TPCN1: variants seen among roughly 807,000 people sequenced by gnomAD.
The protein encoded by TPCN1 is two pore segment channel 1, also known as two pore channel protein 1.
A neutral mutation model predicts 108.8 loss-of-function variants in TPCN1; 52 were observed. The observed-to-expected ratio is 0.48, with a 90% confidence interval of 0.38 to 0.60. The LOEUF is 0.60. TPCN1 is among the 20% of genes least tolerant of loss of function. TPCN1 has a pLI of 0.00. For missense variants in TPCN1, 806 were observed against 1,072.8 expected, an observed-to-expected ratio of 0.75 and a Z score of 3.47; for synonymous variants, 446 against 433.7, an observed-to-expected ratio of 1.03 and a Z score of -0.35.
In TPCN1 at chr12:113,226,708, T is replaced by G. The variant is rs2136429651; in HGVS notation, c.-125-20T>G. 1 of 1,499,866 alleles carries G rather than the reference T, an allele frequency of 6.7e-7. No homozygotes were observed. The highest frequency in any genetic ancestry group is 9.0e-7 in the Non-Finnish European group (1 of 1,115,278). 92.9% of individuals were successfully genotyped at this position (1,499,866 alleles called of 1,614,324 possible). A position where few individuals can be genotyped will look rare whatever the true frequency, so the allele number is the denominator to read the frequency against. On this transcript the variant is annotated intron_variant, in intron 1 of 27. Transcript: ENST00000335509. Reference sequence around the variant, plus strand: ...GTATTTTAATAATTATCTTTTATTTTTTTAATTCCCAAACCCTAGAAGATG... The same window carrying G: ...GTATTTTAATAATTATCTTTTATTTGTTTAATTCCCAAACCCTAGAAGATG...
At position 113,268,037 on chromosome 12, in the gene TPCN1, C is replaced by T; in HGVS notation, c.528+81C>T. The T allele has an allele frequency of 2.0e-6, 2 of 992,532 alleles. No homozygotes were observed. The highest frequency in any genetic ancestry group is 3.1e-6 in the Non-Finnish European group (2 of 642,030). The allele number at this position is 992,532 out of a possible 1,614,324, so 61.5% of individuals were successfully genotyped here. A position where few individuals can be genotyped will look rare whatever the true frequency, so the allele number is the denominator to read the frequency against. On this transcript the variant is annotated intron_variant, in intron 5 of 27. Coordinates refer to ENST00000335509, the MANE Select transcript of TPCN1 (RefSeq NM_017901.6). This position sits in a 1 kb window ranked among gnomAD's most constrained non-coding sequence, Gnocchi z 7.3. ...TCAAACCTGTCTCTTTGGTACAATT[C>T]AGAATCCACCATGGGCCCAGTCCAT...
At position 113,231,436 on chromosome 12, in the gene TPCN1, C is replaced by T. The variant is rs1447107029; in HGVS notation, c.112+4472C>T. Among the ~76,000 whole-genome samples, 1 of 152,196 alleles carries T rather than the reference C, an allele frequency of 6.6e-6. No individual in the cohort carries two copies. The highest frequency in any genetic ancestry group is 1.5e-5 in the Non-Finnish European group (1 of 68,040). On this transcript the variant is annotated intron_variant, in intron 2 of 27. Coordinates refer to ENST00000335509, the MANE Select transcript of TPCN1 (RefSeq NM_017901.6). The surrounding 1 kb of genome is among the most constrained non-coding windows in gnomAD (Gnocchi z 4.3). ...ACACCAGTCCTATTGGATTAGGGCT[C>T]ATCCATATGACCTTGTTTTACCTTA...
intron 14 of TPCN1, among the ~76,000 whole-genome samples, chr12:113,279,387 ATATATTTTTTTTTTT>A (rs1233168998): frequency 1.0e-4 from 2 of 19,650 alleles, no homozygotes; most frequent in African/African-American, 5.8e-4. Context: ...ATATATATAT[ATATATTTTTTTTTTT>A]TTTTTTTTTT....
chr12:113,291,159 G>A (rs1956253296), intron 23 of TPCN1, among the ~76,000 whole-genome samples, 161 bp downstream of exon 23: 1 of 152,072 alleles, frequency 6.6e-6, no homozygotes, highest in Non-Finnish European at 1.5e-5. Flanking sequence ...AGGATGGCTG[G>A]GCCCCAGGAG....
intron 10 of TPCN1, among the ~76,000 whole-genome samples, chr12:113,275,734 G>A (rs556349254): frequency 3.3e-5 from 5 of 151,816 alleles, no homozygotes; most frequent in East Asian, 1.9e-4. Context: ...CACCACGCCC[G>A]GCTAATTTTT....
chr12:113,260,281 G>A, intron 2 of TPCN1, 87 bp from the exon 3 acceptor site: 4 of 1,400,452 alleles, frequency 2.9e-6, no homozygotes, highest in Non-Finnish European at 3.7e-6. Context: ...GCATATGAAG[G>A]GACTGCCAGG....
intron 2 of TPCN1, among the ~76,000 whole-genome samples, chr12:113,237,801 G>A: frequency 6.6e-6 from 1 of 152,204 alleles, no homozygotes; most frequent in East Asian, 1.9e-4. Flanking sequence ...GGGCATGGAG[G>A]AAGCAGCTAG....
intron 25 of TPCN1, chr12:113,292,242 C>G (rs73192840): frequency 0.022 from 9,325 of 419,864 alleles, 168 homozygotes; most frequent in Non-Finnish European, 0.031. Flanking sequence ...CAGCCCCTGC[C>G]CTGCCTTTCC....
At chr12:113,251,398 T>G (rs1011458720) in intron 2 of TPCN1, among the ~76,000 whole-genome samples, 1 of 152,236 alleles carries the variant, frequency 6.6e-6, no homozygotes, top group Non-Finnish European at 1.5e-5. Context: ...AAGCCCTCTG[T>G]GCCGGTCCCT....
chr12:113,258,818 T>C (rs1163750850), intron 2 of TPCN1, among the ~76,000 whole-genome samples: 2 of 152,116 alleles, frequency 1.3e-5, no homozygotes, highest in Non-Finnish European at 2.9e-5. Context: ...AAGTTGCATG[T>C]GGCTGGACCT....
chr12:113,252,505 C>T (rs568191306), intron 2 of TPCN1, among the ~76,000 whole-genome samples: 5 of 152,288 alleles, frequency 3.3e-5, no homozygotes, highest in Admixed American at 2.6e-4. Flanking sequence ...TCACGGCAGC[C>T]GCTCACATAG....
chr12:113,255,671 G>A (rs1370188059), intron 2 of TPCN1, among the ~76,000 whole-genome samples: 10 of 151,980 alleles, frequency 6.6e-5, no homozygotes, highest in African/African-American at 1.4e-4. Context: ...GACTACAGGC[G>A]CATGCCACCA....
At chr12:113,252,040 G>A (rs1301288975) in intron 2 of TPCN1, among the ~76,000 whole-genome samples, 6 of 152,172 alleles carry the variant, frequency 3.9e-5, no homozygotes, top group East Asian at 1.9e-4. Context: ...AAAGAAGATC[G>A]GGTTAAGATT....
At chr12:113,254,847 C>G (rs1954774815) in intron 2 of TPCN1, among the ~76,000 whole-genome samples, 2 of 152,210 alleles carry the variant, frequency 1.3e-5, no homozygotes, top group Admixed American at 1.3e-4. Context: ...AAATGCAACA[C>G]CCATTCATGG....
chr12:113,293,257 G>A lies in TPCN1; in HGVS notation c.2254-12G>A, dbSNP rs1566208919. 1 of 1,614,042 alleles carries A rather than the reference G, an allele frequency of 6.2e-7. No homozygotes were observed. Among genetic ancestry groups the A allele is most frequent in the East Asian group, 2.2e-5 (1 of 44,886 alleles). Reference sequence around the variant, plus strand: ...TCTGCAGCCGAGCCCTGCAGCCTCTGCTCTTCCTTAGCAACATTCCATGGT... The same window carrying A: ...TCTGCAGCCGAGCCCTGCAGCCTCTACTCTTCCTTAGCAACATTCCATGGT... On this transcript the variant is annotated splice_polypyrimidine_tract_variant and intron_variant, in intron 26 of 27. Coordinates refer to ENST00000335509, the MANE Select transcript of TPCN1 (RefSeq NM_017901.6).
rs1955548240 is a variant in TPCN1, at chr12:113,272,789, G to A, written c.783+97G>A. 2.4e-6 allele frequency: 3 copies of A among 1,245,268 alleles called. No homozygotes were observed. Among genetic ancestry groups the A allele is most frequent in the African/African-American group, 1.5e-5 (1 of 67,096 alleles). The allele number at this position is 1,245,268 out of a possible 1,614,324, so 77.1% of individuals were successfully genotyped here. On this transcript the variant is annotated intron_variant, in intron 8 of 27. Transcript: ENST00000335509. This position sits in a 1 kb window ranked among gnomAD's most constrained non-coding sequence, Gnocchi z 4.1. ...GACCCTGTGGCCATATGGGGAAGGG[G>A]GGGCCTGCCTGGTTTCTCATCATAG...
chr12:113,234,226 T>G (rs1480874364), intron 2 of TPCN1, among the ~76,000 whole-genome samples: 1 of 152,178 alleles, frequency 6.6e-6, no homozygotes, highest in African/African-American at 2.4e-5. Context: ...AAACTAGGCT[T>G]TTCCCCCATG....
chr12:113,284,755 C>T lies in TPCN1; in HGVS notation c.1437C>T (p.Tyr479=). Residue 479 remains tyrosine (Y), a synonymous_variant, in exon 17 of 28, where the codon TAC becomes TAT. Transcript: ENST00000335509. This position sits in a 1 kb window ranked among gnomAD's most constrained non-coding sequence, Gnocchi z 4.1. The part of the protein sequence containing the change: ...NFFSKHVPWS[Y]LVFLTIYGVE... The stretch of plus-strand genomic sequence containing the variant: ...TCTCCAAGCACGTGCCCTGGAGTTA[C>T]CTCGTCTTTCTAACTAGTACGTTTC... 6.2e-7 allele frequency: 1 copy of T among 1,614,220 alleles called. No individual in the cohort carries two copies. Among genetic ancestry groups the T allele is most frequent in the African/African-American group, 1.3e-5 (1 of 75,052 alleles).
chr12:113,291,892 G>A lies in TPCN1; in HGVS notation c.2047G>A (p.Val683Ile), dbSNP rs1358235124. The change falls in exon 25 of 28, where the codon GTC becomes ATC. Residue 683 changes from valine (V) to isoleucine (I), a missense_variant. Val to Ile is a conservative substitution (Grantham distance 29). Transcript: ENST00000335509. Reference protein sequence around the residue: ...IVTMVVMTIIVAFILEAFVFR... With the variant: ...IVTMVVMTIIIAFILEAFVFR... Reference sequence around the variant, plus strand: ...TGGCCAGGTGGTGATGACGATCATTGTCGCCTTTATCCTCGAGGCCTTCGT... The same window carrying A: ...TGGCCAGGTGGTGATGACGATCATTATCGCCTTTATCCTCGAGGCCTTCGT... 2 of 1,539,134 alleles carry A rather than the reference G, an allele frequency of 1.3e-6. No individual in the cohort carries two copies. Among genetic ancestry groups the A allele is most frequent in the Admixed American group, 3.5e-5 (2 of 56,956 alleles).
Sources: gnomAD v4.1 joint callset for allele counts (sites outside exome capture counted in the v4.1 genomes callset) on GRCh38, gnomAD v4.1.1 for gene constraint, Gnocchi (gnomAD v3.1) non-coding constraint, MANE v1.5 for transcripts, NCBI Gene and HGNC (gene_info 2026-07-23, HGNC 2026-07-21) for gene names.